Variants in TRMT11 observed in about 807,000 individuals in gnomAD.
TRMT11 encodes tRNA (guanine(10)-N(2))-methyltransferase TRMT11.
TRMT11 carries 53 observed loss-of-function variants against 62.8 expected under a neutral mutation model. The ratio of observed to expected loss-of-function variants is 0.84; its 90% CI spans 0.68 to 1.06. TRMT11 has a LOEUF of 1.06. Among genes scored for constraint, TRMT11 ranks in the 50% least tolerant of loss-of-function variants. The pLI is 0.00. For missense variants in TRMT11, 556 were observed against 553.4 expected (o/e 1.00, Z -0.05); for synonymous variants, 188 against 190.3 (o/e 0.99, Z 0.10).
intron 21 of TRMT11, among the ~76,000 whole-genome samples, chr6:126,159,968 GA>G (rs1415338767): frequency 2.0e-5 from 3 of 152,176 alleles, no homozygotes; most frequent in Non-Finnish European, 4.4e-5. Context: ...AAAAAAGTGT[GA>G]AATAATACAA....
chr6:126,155,461 T>C (rs1232568958), intron 21 of TRMT11, among the ~76,000 whole-genome samples: 1 of 152,094 alleles, frequency 6.6e-6, no homozygotes, highest in African/African-American at 2.4e-5. Flanking sequence ...ATATCCTTCT[T>C]ACACTGCAAA....
At chr6:126,242,724 T>C in the TRMT11 span, among the ~76,000 whole-genome samples, 1 of 152,196 alleles carries the variant, frequency 6.6e-6, no homozygotes, top group Non-Finnish European at 1.5e-5. Context: ...GAAAACTGGT[T>C]AGCCATATGT....
At chr6:125,986,651 C>A in intron 1 of TRMT11, 29 bp downstream of exon 1, 1 of 1,562,086 alleles carries the variant, frequency 6.4e-7, no homozygotes, top group East Asian at 2.3e-5. Flanking sequence ...CCGGAACTTC[C>A]GACGGAAGAG....
At chr6:126,067,493 G>A (rs1264613697) in intron 17 of TRMT11, among the ~76,000 whole-genome samples, 1 of 152,156 alleles carries the variant, frequency 6.6e-6, no homozygotes, top group Non-Finnish European at 1.5e-5. Context: ...CATTTATATT[G>A]TTGCTTCTAG....
intron 17 of TRMT11, among the ~76,000 whole-genome samples, chr6:126,089,322 C>T (rs907294484): frequency 2.0e-5 from 3 of 152,154 alleles, no homozygotes; most frequent in Admixed American, 2.0e-4. Context: ...CCATGTTGGC[C>T]AGGCTGGTCT....
At chr6:126,011,822 A>G (rs1302394320) in intron 9 of TRMT11, among the ~76,000 whole-genome samples, 2 of 152,242 alleles carry the variant, frequency 1.3e-5, no homozygotes, top group East Asian at 3.9e-4. Context: ...GATATCACAC[A>G]TTTCTCTATG....
intron 16 of TRMT11, among the ~76,000 whole-genome samples, chr6:126,049,078 G>C (rs558262064): frequency 1.1e-4 from 17 of 152,146 alleles, no homozygotes; most frequent in Non-Finnish European, 2.2e-4. Flanking sequence ...CCATCCACAG[G>C]CATCTGGAAT....
At chr6:126,180,162 C>T (rs1012222075) in intron 1 of TRMT11, among the ~76,000 whole-genome samples, 6 of 152,032 alleles carry the variant, frequency 3.9e-5, no homozygotes, top group African/African-American at 7.2e-5. Flanking sequence ...ATCATTGACT[C>T]GTGAGGTTAT....
intron 1 of TRMT11, among the ~76,000 whole-genome samples, chr6:126,193,145 C>G (rs1039632785): frequency 3.9e-5 from 6 of 152,026 alleles, no homozygotes; most frequent in Non-Finnish European, 8.8e-5. Flanking sequence ...CCATTTTCTT[C>G]CTGGTTTAAT....
chr6:126,259,207 A>T, the TRMT11 span, among the ~76,000 whole-genome samples: 1 of 152,078 alleles, frequency 6.6e-6, no homozygotes, highest in South Asian at 2.1e-4. Context: ...CCAAATTTTT[A>T]AAAAATTGAG....
chr6:126,093,629 A>ATTTT lies in TRMT11; in HGVS notation c.*1438-19236_*1438-19235insTTTT, dbSNP rs1199202335. Among the ~76,000 whole-genome samples the ATTTT allele has an allele frequency of 2.1e-5, 2 of 94,040 alleles. 1 individual carries two copies. Among genetic ancestry groups the ATTTT allele is most frequent in the African/African-American group, 9.2e-5 (2 of 21,794 alleles). The allele number at this position is 94,040 out of a possible 152,430, so 61.7% of individuals were successfully genotyped here. A position where few individuals can be genotyped will look rare whatever the true frequency, so the allele number is the denominator to read the frequency against. ...TATATATATATATATATATATATAT[A>ATTTT]TATTTTCCCCCAGTCCTGGAGGATC... On this transcript the variant is annotated intron_variant and NMD_transcript_variant, in intron 17 of 22. Transcript: ENST00000648977.
chr6:126,235,773 G>A, the TRMT11 span, among the ~76,000 whole-genome samples: 1 of 152,064 alleles, frequency 6.6e-6, no homozygotes, highest in African/African-American at 2.4e-5. Context: ...CCTAGGAGAT[G>A]GGATGATCTG....
At chr6:126,061,371 G>A (rs1331018971) in intron 17 of TRMT11, among the ~76,000 whole-genome samples, 1 of 152,162 alleles carries the variant, frequency 6.6e-6, no homozygotes, top group Admixed American at 6.5e-5. Flanking sequence ...CATTAATATA[G>A]TTCTTAAACT....
the TRMT11 span, among the ~76,000 whole-genome samples, chr6:126,248,185 T>A: frequency 6.6e-6 from 1 of 152,120 alleles, no homozygotes; most frequent in Non-Finnish European, 1.5e-5. Context: ...TTGATCATCC[T>A]CTGAAAGACT....
the TRMT11 span, among the ~76,000 whole-genome samples, chr6:126,237,045 G>T: frequency 2.0e-5 from 3 of 150,302 alleles, no homozygotes; most frequent in African/African-American, 7.4e-5. Context: ...AACCTTTCTA[G>T]GTACTTGACC....
chr6:126,058,978 G>A (rs186371628), intron 17 of TRMT11, among the ~76,000 whole-genome samples: 184 of 151,392 alleles, frequency 1.2e-3, no homozygotes, highest in African/African-American at 4.1e-3. Context: ...TTATTCTCTT[G>A]TATTCCCCTG....
chr6:126,004,622 A>G (rs971658790), intron 7 of TRMT11, among the ~76,000 whole-genome samples: 3 of 152,194 alleles, frequency 2.0e-5, no homozygotes, highest in South Asian at 4.1e-4. Context: ...CTCCATGGCC[A>G]TAGTTTTCAC....
chr6:126,213,732 C>CTATCTCTCCAATTTGGATG, the TRMT11 span, among the ~76,000 whole-genome samples: 2 of 151,918 alleles, frequency 1.3e-5, no homozygotes, highest in East Asian at 3.8e-4. Flanking sequence ...ATTTGGATGC[C>CTATCTCTCCAATTTGGATG]CTTTATATCT....
the TRMT11 span, among the ~76,000 whole-genome samples, chr6:126,235,753 T>G: frequency 6.6e-6 from 1 of 152,152 alleles, no homozygotes. Context: ...TAATGGATGC[T>G]GGCTTAATAC....
Sources: allele counts gnomAD v4.1 joint callset (sites outside exome capture counted in the v4.1 genomes callset), GRCh38; gene constraint gnomAD v4.1.1; transcripts MANE v1.5; gene names NCBI Gene and HGNC (gene_info 2026-07-23, HGNC 2026-07-21).